Variants in ANKS1B observed in about 807,000 individuals in gnomAD.
The protein encoded by ANKS1B is ankyrin repeat and sterile alpha motif domain containing 1B, also known as ankyrin repeat and sterile alpha motif domain-containing protein 1B.
Under a neutral mutation model 148.3 loss-of-function variants are expected in ANKS1B, and 36 were observed. The ratio of observed to expected loss-of-function variants is 0.24; its 90% CI spans 0.19 to 0.32. The LOEUF (loss-of-function observed/expected upper bound fraction) is 0.32. Among genes scored for constraint, ANKS1B ranks in the 10% least tolerant of loss-of-function variants. The probability of loss-of-function intolerance (pLI) is 1.00; values close to 1 mark genes in which losing one functional copy is unlikely to be tolerated. For synonymous variants in ANKS1B, 542 were observed against 560.8 expected (o/e 0.97, Z 0.47); for missense variants, 1,157 against 1,542.6 (o/e 0.75, Z 4.19).
intron 8 of ANKS1B, among the ~76,000 whole-genome samples, chr12:99,718,640 G>A (rs544349252): frequency 7.9e-5 from 12 of 152,218 alleles, no homozygotes; most frequent in East Asian, 1.9e-4. Context: ...CAGGATCTGC[G>A]CCTTATCAAC....
intron 10 of ANKS1B, among the ~76,000 whole-genome samples, chr12:99,464,710 A>G (rs1446466676): frequency 6.6e-6 from 1 of 152,238 alleles, no homozygotes; most frequent in Non-Finnish European, 1.5e-5. Flanking sequence ...AGATGAAATG[A>G]ATGAAATGAA....
intron 14 of ANKS1B, among the ~76,000 whole-genome samples, chr12:99,194,102 A>G (rs2081101252): frequency 4.0e-5 from 6 of 151,694 alleles, no homozygotes; most frequent in Non-Finnish European, 8.8e-5. Context: ...ACCCAGCCAT[A>G]TTTCAGGCTT....
intron 8 of ANKS1B, among the ~76,000 whole-genome samples, chr12:99,766,870 T>G (rs1314755983): frequency 6.6e-6 from 1 of 152,112 alleles, no homozygotes; most frequent in Non-Finnish European, 1.5e-5. Flanking sequence ...GCCACGAAGC[T>G]CTCTCCAAAT....
intron 1 of ANKS1B, among the ~76,000 whole-genome samples, chr12:99,905,635 G>C (rs1823881718): frequency 6.6e-6 from 1 of 152,202 alleles, no homozygotes; most frequent in Admixed American, 6.5e-5. Context: ...CTAAAGGCCA[G>C]AAGTCTGAGA....
At chr12:99,690,384 C>G (rs998301115) in intron 8 of ANKS1B, among the ~76,000 whole-genome samples, 1 of 152,132 alleles carries the variant, frequency 6.6e-6, no homozygotes, top group Admixed American at 6.5e-5. Context: ...TAACTCATTT[C>G]AGCACTAATT....
chr12:99,641,991 A>G (rs771527691), intron 9 of ANKS1B, among the ~76,000 whole-genome samples: 1 of 152,224 alleles, frequency 6.6e-6, no homozygotes, highest in East Asian at 1.9e-4. Context: ...ACTGTGAAAT[A>G]TAAGTGAGAC....
intron 8 of ANKS1B, among the ~76,000 whole-genome samples, chr12:99,733,961 G>A (rs1008775040): frequency 1.3e-5 from 2 of 152,126 alleles, no homozygotes; most frequent in Non-Finnish European, 2.9e-5. Context: ...TTTCCATATA[G>A]CTTTGCAAAA....
intron 9 of ANKS1B, among the ~76,000 whole-genome samples, chr12:99,644,521 G>A (rs1004964359): frequency 2.6e-5 from 4 of 152,218 alleles, no homozygotes; most frequent in Admixed American, 6.5e-5. Context: ...CATCTTTAAT[G>A]TCCATATTTC....
chr12:98,848,589 C>G (rs931582817), intron 17 of ANKS1B, among the ~76,000 whole-genome samples: 1 of 148,248 alleles, frequency 6.7e-6, no homozygotes, highest in African/African-American at 2.5e-5. Flanking sequence ...TGCGGAGTCT[C>G]GCTCTGTCGC....
At chr12:99,421,081 G>A (rs1271793320) in intron 11 of ANKS1B, among the ~76,000 whole-genome samples, 5 of 152,156 alleles carry the variant, frequency 3.3e-5, no homozygotes, top group African/African-American at 9.7e-5. Flanking sequence ...TTGAGATAAT[G>A]TAAATGAAAG....
chr12:99,438,204 AC>A (rs2095492854), intron 11 of ANKS1B, among the ~76,000 whole-genome samples: 1 of 151,812 alleles, frequency 6.6e-6, no homozygotes, highest in Non-Finnish European at 1.5e-5. Flanking sequence ...CAACTTCCTC[AC>A]CTATAAAATG....
chr12:98,773,986 C>G (rs1168449276), intron 24 of ANKS1B, among the ~76,000 whole-genome samples: 1 of 152,180 alleles, frequency 6.6e-6, no homozygotes, highest in Non-Finnish European at 1.5e-5. Flanking sequence ...AGGGCAGGTA[C>G]TGAAGGAAGC....
At chr12:99,641,458 A>G (rs961076911) in intron 9 of ANKS1B, among the ~76,000 whole-genome samples, 1 of 152,312 alleles carries the variant, frequency 6.6e-6, no homozygotes, top group South Asian at 2.1e-4. Flanking sequence ...AATTATAAAC[A>G]GGTATGAGGA....
chr12:98,858,562 A>G (rs1204773032), intron 17 of ANKS1B, among the ~76,000 whole-genome samples: 1 of 152,174 alleles, frequency 6.6e-6, no homozygotes, highest in Non-Finnish European at 1.5e-5. Context: ...CTGGTCTTGA[A>G]TTCCTGGGCT....
intron 9 of ANKS1B, among the ~76,000 whole-genome samples, chr12:99,585,003 T>C (rs11109930): frequency 0.051 from 7,754 of 152,188 alleles, 389 homozygotes; most frequent in East Asian, 0.26. Context: ...CCAAATCTCA[T>C]GTTCTCGCAT....
chr12:99,035,646 A>G (rs573872045), intron 17 of ANKS1B, among the ~76,000 whole-genome samples: 144 of 152,262 alleles, frequency 9.5e-4, no homozygotes, highest in African/African-American at 3.4e-3. Context: ...AAACCTTTAG[A>G]GGGCCAAGGG....
intron 9 of ANKS1B, among the ~76,000 whole-genome samples, chr12:99,623,572 T>C (rs368255498): frequency 6.6e-6 from 1 of 152,110 alleles, no homozygotes; most frequent in East Asian, 1.9e-4. Flanking sequence ...GAAATTAACA[T>C]ATAAAACTTA....
intron 15 of ANKS1B, among the ~76,000 whole-genome samples, chr12:99,136,087 G>T (rs1482348195): frequency 1.1e-4 from 16 of 152,168 alleles, no homozygotes; most frequent in Admixed American, 1.0e-3. Context: ...TGACAGGAAA[G>T]ATTAAACAGG....
intron 17 of ANKS1B, among the ~76,000 whole-genome samples, chr12:98,835,097 AATTATT>A (rs72558205): frequency 2.6e-4 from 38 of 148,972 alleles, no homozygotes; most frequent in Non-Finnish European, 3.4e-4. Flanking sequence ...ACATTTGCTT[AATTATT>A]ATTATTATTA....
Sources: gnomAD v4.1 joint callset for allele counts (sites outside exome capture counted in the v4.1 genomes callset) on GRCh38, gnomAD v4.1.1 for gene constraint, MANE v1.5 for transcripts, NCBI Gene and HGNC (gene_info 2026-07-23, HGNC 2026-07-21) for gene names.